GAS2: variants seen among roughly 807,000 people sequenced by gnomAD.
GAS2 encodes growth arrest specific 2.
A neutral mutation model predicts 37.5 loss-of-function variants in GAS2; 20 were observed. That is an observed-to-expected ratio of 0.53 (90% CI 0.37 to 0.77). The LOEUF is 0.77. Among genes scored for constraint, GAS2 ranks in the 30% least tolerant of loss-of-function variants. The pLI, the probability that GAS2 is intolerant of heterozygous loss-of-function variation, is 0.00. For synonymous variants in GAS2, 144 were observed against 132.2 expected (o/e 1.09, Z -0.61); for missense variants, 336 against 373.4 (o/e 0.90, Z 0.82).
intron 7 of GAS2, among the ~76,000 whole-genome samples, chr11:22,773,416 C>G (rs1346091462): frequency 9.3e-6 from 1 of 107,338 alleles, no homozygotes; most frequent in Non-Finnish European, 1.7e-5. Flanking sequence ...TTTTTTGAGA[C>G]AGAGTCTCGC....
chr11:22,632,224 T>G (rs889605259), intron 1 of GAS2, among the ~76,000 whole-genome samples: 1 of 152,154 alleles, frequency 6.6e-6, no homozygotes, highest in African/African-American at 2.4e-5. Flanking sequence ...CTTTTCTTGG[T>G]TAAACTAGCT....
intron 7 of GAS2, among the ~76,000 whole-genome samples, chr11:22,790,063 A>C (rs1233427078): frequency 1.3e-5 from 2 of 152,068 alleles, no homozygotes; most frequent in Non-Finnish European, 2.9e-5. Context: ...GGTTATGTGT[A>C]CCCCTACCTA....
At chr11:22,743,202 A>T (rs562280835) in intron 5 of GAS2, among the ~76,000 whole-genome samples, 121 of 152,246 alleles carry the variant, frequency 7.9e-4, no homozygotes, top group African/African-American at 2.8e-3. Context: ...ATTTATTTAA[A>T]GAATGACTAC....
At chr11:22,734,354 C>T (rs1011006159) in intron 4 of GAS2, among the ~76,000 whole-genome samples, 4 of 151,598 alleles carry the variant, frequency 2.6e-5, no homozygotes, top group African/African-American at 9.7e-5. Flanking sequence ...GCCAAATTGA[C>T]TCATTTAACC....
intron 3 of GAS2, among the ~76,000 whole-genome samples, chr11:22,724,761 G>C (rs1340917193): frequency 6.6e-6 from 1 of 152,026 alleles, no homozygotes; most frequent in African/African-American, 2.4e-5. Context: ...GCAACAAAGA[G>C]ATGGATCTTT....
chr11:22,786,799 T>A (rs1331734747), intron 7 of GAS2, among the ~76,000 whole-genome samples: 1 of 152,146 alleles, frequency 6.6e-6, no homozygotes, highest in Non-Finnish European at 1.5e-5. Context: ...TATCACACTG[T>A]TAGGTATTTT....
intron 2 of GAS2, among the ~76,000 whole-genome samples, chr11:22,682,179 A>G (rs943420690): frequency 2.6e-5 from 4 of 152,112 alleles, no homozygotes; most frequent in African/African-American, 4.8e-5. Flanking sequence ...CAGATGTTCA[A>G]TGTAAAATTC....
chr11:22,631,516 G>A (rs1413117946), intron 1 of GAS2, among the ~76,000 whole-genome samples: 1 of 151,978 alleles, frequency 6.6e-6, no homozygotes, highest in African/African-American at 2.4e-5. Context: ...AGTTTGTTGA[G>A]GTTTATGTCA....
At chr11:22,689,345 T>C (rs1428000549) in intron 3 of GAS2, among the ~76,000 whole-genome samples, 2 of 152,160 alleles carry the variant, frequency 1.3e-5, no homozygotes, top group Non-Finnish European at 2.9e-5. Context: ...AAATTTGATC[T>C]GAGGTAAAAG....
intron 5 of GAS2, among the ~76,000 whole-genome samples, chr11:22,738,631 CTGAA>C (rs1460222262): frequency 1.3e-5 from 2 of 152,122 alleles, no homozygotes; most frequent in Non-Finnish European, 2.9e-5. Context: ...AGAACTAACA[CTGAA>C]TGAACATTCT....
rs1564889859 is a variant in GAS2, at chr11:22,789,427, T to TATATAA, written c.724-22366_724-22365insAATATA. Among the ~76,000 whole-genome samples, 10 of 33,896 alleles carry TATATAA rather than the reference T, an allele frequency of 3.0e-4. 1 individual carries two copies. Among genetic ancestry groups the TATATAA allele is most frequent in the Admixed American group, 1.1e-3 (3 of 2,776 alleles). 22.2% of individuals were successfully genotyped at this position (33,896 alleles called of 152,430 possible). ...GTATGTGTGTGTATCTCATATGAGATATATATATATATATATATATATATA... is the reference window on the plus strand; with the variant it reads ...GTATGTGTGTGTATCTCATATGAGATATATAAATATATATATATATATATATATATA... On this transcript the variant is annotated intron_variant, in intron 7 of 7. Coordinates refer to ENST00000454584, the MANE Select transcript of GAS2 (RefSeq NM_001143830.3).
intron 7 of GAS2, among the ~76,000 whole-genome samples, chr11:22,778,812 A>G (rs1283677322): frequency 2.6e-5 from 4 of 152,170 alleles, no homozygotes; most frequent in African/African-American, 7.2e-5. Context: ...GAAACTGTGT[A>G]TGTGTGCATT....
intron 3 of GAS2, among the ~76,000 whole-genome samples, chr11:22,709,209 GA>G (rs71842963): frequency 8.8e-5 from 7 of 79,986 alleles, no homozygotes; most frequent in Admixed American, 1.8e-4. Flanking sequence ...GCATGGTAAT[GA>G]AAAAAAAAAA....
chr11:22,693,797 C>T (rs1850366603), intron 3 of GAS2, among the ~76,000 whole-genome samples: 1 of 152,122 alleles, frequency 6.6e-6, no homozygotes, highest in Non-Finnish European at 1.5e-5. Flanking sequence ...TGGAAGGAAG[C>T]TTTATATAAA....
chr11:22,711,537 A>G (rs1466973188), intron 3 of GAS2, among the ~76,000 whole-genome samples: 2 of 152,214 alleles, frequency 1.3e-5, no homozygotes, highest in Non-Finnish European at 2.9e-5. Context: ...GAAGCCACAG[A>G]TGGTGTGGGT....
At chr11:22,716,750 A>C (rs1565106065) in intron 3 of GAS2, among the ~76,000 whole-genome samples, 1 of 152,272 alleles carries the variant, frequency 6.6e-6, no homozygotes, top group East Asian at 1.9e-4. Flanking sequence ...AGAAAACCCT[A>C]AAGACTCCTT....
intron 1 of GAS2, chr11:22,626,346 G>T (rs938849721): frequency 6.4e-6 from 1 of 157,314 alleles, no homozygotes; most frequent in African/African-American, 2.4e-5. Context: ...TCCATTATTA[G>T]AACTGAAGCC....
At chr11:22,799,525 A>G (rs1419240297) in intron 7 of GAS2, among the ~76,000 whole-genome samples, 2 of 151,746 alleles carry the variant, frequency 1.3e-5, no homozygotes. Context: ...TCTCAATACA[A>G]TCTCCCACTT....
At chr11:22,731,838 G>A (rs1852493270) in intron 4 of GAS2, among the ~76,000 whole-genome samples, 1 of 151,562 alleles carries the variant, frequency 6.6e-6, no homozygotes, top group African/African-American at 2.4e-5. Flanking sequence ...TTCAGCCCTG[G>A]ATTATTTATA....
Sources: allele counts gnomAD v4.1 joint callset (sites outside exome capture counted in the v4.1 genomes callset), GRCh38; gene constraint gnomAD v4.1.1; transcripts MANE v1.5; gene names NCBI Gene and HGNC (gene_info 2026-07-23, HGNC 2026-07-21).